Variants in MYL12B observed in about 807,000 individuals in gnomAD.
The protein encoded by MYL12B is myosin regulatory light chain 12B.
A neutral mutation model predicts 12.9 loss-of-function variants in MYL12B; 3 were observed. The observed-to-expected ratio is 0.23, with a 90% CI of 0.11 to 0.60. The LOEUF (loss-of-function observed/expected upper bound fraction) is 0.60, where lower values mean the gene tolerates loss of function less well. MYL12B is among the 20% of genes least tolerant of loss of function. MYL12B has a pLI of 0.89. For missense variants in MYL12B, 120 were observed against 215.4 expected (o/e 0.56, Z 2.77); for synonymous variants, 57 against 71.9 (o/e 0.79, Z 1.05).
chr18:3,273,798 G>A (rs1000699477), intron 2 of MYL12B, among the ~76,000 whole-genome samples: 4 of 151,670 alleles, frequency 2.6e-5, no homozygotes, highest in Non-Finnish European at 5.9e-5. Context: ...GAGACTTTGC[G>A]CTCTGTCCTC....
chr18:3,275,490 C>T (rs1318032629), intron 2 of MYL12B, among the ~76,000 whole-genome samples: 1 of 152,058 alleles, frequency 6.6e-6, no homozygotes, highest in African/African-American at 2.4e-5. Context: ...ATGATAAATG[C>T]TTGAAGGGAT....
At chr18:3,270,352 A>C (rs1237406864) in intron 1 of MYL12B, among the ~76,000 whole-genome samples, 2 of 152,256 alleles carry the variant, frequency 1.3e-5, no homozygotes, top group Non-Finnish European at 2.9e-5. Flanking sequence ...TAGTATTACT[A>C]CATTGAGCCT....
At chr18:3,268,262 C>T (rs961489027) in intron 1 of MYL12B, among the ~76,000 whole-genome samples, 1 of 152,174 alleles carries the variant, frequency 6.6e-6, no homozygotes, top group African/African-American at 2.4e-5. Context: ...ATAGCAATAT[C>T]AGAGTAACAG....
At chr18:3,272,406 A>G (rs1370369599) in intron 1 of MYL12B, among the ~76,000 whole-genome samples, 1 of 79,190 alleles carries the variant, frequency 1.3e-5, no homozygotes, top group African/African-American at 4.6e-5. Context: ...CTATGCCTTC[A>G]TAACAGTGCT....
intron 1 of MYL12B, among the ~76,000 whole-genome samples, chr18:3,267,235 ATTTAACTGC>A (rs2081641580): frequency 6.6e-6 from 1 of 152,190 alleles, no homozygotes; most frequent in South Asian, 2.1e-4. Flanking sequence ...AAACCAGAGG[ATTTAACTGC>A]TTTAAGAGCC....
intron 3 of MYL12B, 84 bp from the exon 4 acceptor site, chr18:3,277,681 T>C: frequency 6.9e-7 from 1 of 1,459,328 alleles, no homozygotes. Context: ...TGAAATATTT[T>C]ATACGATTGA....
intron 1 of MYL12B, among the ~76,000 whole-genome samples, chr18:3,268,485 G>A (rs895765721): frequency 1.3e-5 from 2 of 152,144 alleles, no homozygotes; most frequent in African/African-American, 4.8e-5. Flanking sequence ...ACTGATAGTT[G>A]CCACCTGACT....
intron 3 of MYL12B, among the ~76,000 whole-genome samples, 153 bp downstream of exon 3, chr18:3,277,567 G>A (rs1200450087): frequency 1.3e-5 from 2 of 152,128 alleles, no homozygotes; most frequent in African/African-American, 4.8e-5. Context: ...TAAATGATTT[G>A]ATCTAATATT....
At chr18:3,272,146 ATATTT>A (rs2081684140) in intron 1 of MYL12B, 1 of 910,614 alleles carries the variant, frequency 1.1e-6, no homozygotes, top group Non-Finnish European at 1.3e-6. Context: ...GGTGGGTTTG[ATATTT>A]ATAAAGATGA....
chr18:3,262,625 C>G (rs1470908043), intron 1 of MYL12B: 2 of 152,394 alleles, frequency 1.3e-5, no homozygotes, highest in South Asian at 2.1e-4. Context: ...GCCCTCCCGG[C>G]GCCGCGGCGG....
In MYL12B at chr18:3,278,007, C is replaced by T. The variant is rs1177078253; in HGVS notation, c.*70C>T. On this transcript the variant is annotated 3_prime_UTR_variant, in exon 4 of 4. Coordinates refer to ENST00000237500, the MANE Select transcript of MYL12B (RefSeq NM_033546.4). ...TTTACTTCTCAGACACTTCCCCCAC[C>T]CTCATAGAACCTGTTGCATGCAACT... The T allele has an allele frequency of 1.3e-6, 2 of 1,535,304 alleles. No homozygotes were observed. The highest frequency in any genetic ancestry group is 1.8e-6 in the Non-Finnish European group (2 of 1,135,360).
chr18:3,263,291 A>G (rs1382041321), intron 1 of MYL12B, among the ~76,000 whole-genome samples: 1 of 152,204 alleles, frequency 6.6e-6, no homozygotes, highest in African/African-American at 2.4e-5. Flanking sequence ...TTTAAGGTAG[A>G]TTTGGAATGG....
intron 1 of MYL12B, among the ~76,000 whole-genome samples, chr18:3,268,495 T>C (rs2081651792): frequency 6.6e-6 from 1 of 152,224 alleles, no homozygotes; most frequent in Non-Finnish European, 1.5e-5. Context: ...GCCACCTGAC[T>C]AAACCCAACC....
intron 1 of MYL12B, among the ~76,000 whole-genome samples, chr18:3,265,600 A>C (rs1415733881): frequency 6.6e-6 from 1 of 152,102 alleles, no homozygotes; most frequent in Non-Finnish European, 1.5e-5. Context: ...GGCCCAGATA[A>C]AATTTGAGTT....
Position 3,278,002 on chromosome 18 carries a change from C to A in MYL12B, c.*65C>A. ...TCTCTTTTACTTCTCAGACACTTCC[C>A]CCACCCTCATAGAACCTGTTGCATG... On this transcript the variant is annotated 3_prime_UTR_variant, in exon 4 of 4. Transcript: ENST00000237500. 1 of 1,559,084 alleles carries A rather than the reference C, an allele frequency of 6.4e-7. No individual in the cohort carries two copies. Among genetic ancestry groups the A allele is most frequent in the Non-Finnish European group, 8.7e-7 (1 of 1,149,632 alleles).
At chr18:3,272,210 G>A (rs138073306) in intron 1 of MYL12B, 564 of 699,744 alleles carry the variant, frequency 8.1e-4, no homozygotes, top group Admixed American at 4.4e-3. Flanking sequence ...ATCTCAATTA[G>A]TTCTTTGCAT....
chr18:3,271,971 C>A, intron 1 of MYL12B: 1 of 760,808 alleles, frequency 1.3e-6, no homozygotes, highest in Non-Finnish European at 1.6e-6. Flanking sequence ...TTGGGAGGAT[C>A]TCGAGCCTCA....
chr18:3,271,969 A>T (rs1215341902), intron 1 of MYL12B: 2 of 721,820 alleles, frequency 2.8e-6, no homozygotes, highest in Non-Finnish European at 3.4e-6. Context: ...GTTTGGGAGG[A>T]TCTCGAGCCT....
Position 3,278,038 on chromosome 18 carries a change from T to G in MYL12B, c.*101T>G. 7.0e-7 allele frequency: 1 copy of G among 1,422,668 alleles called. No homozygotes were observed. Among genetic ancestry groups the G allele is most frequent in the Non-Finnish European group, 9.5e-7 (1 of 1,051,650 alleles). The allele number at this position is 1,422,668 out of a possible 1,614,324, so 88.1% of individuals were successfully genotyped here. A position where few individuals can be genotyped will look rare whatever the true frequency, so the allele number is the denominator to read the frequency against. On this transcript the variant is annotated 3_prime_UTR_variant, in exon 4 of 4. Coordinates refer to ENST00000237500, the MANE Select transcript of MYL12B (RefSeq NM_033546.4). Reference sequence around the variant, plus strand: ...AGAACCTGTTGCATGCAACTTAGTTTCACAGCTTTGCCTCTTCTTTTTGAT... The same window carrying G: ...AGAACCTGTTGCATGCAACTTAGTTGCACAGCTTTGCCTCTTCTTTTTGAT...
Sources: allele counts gnomAD v4.1 joint callset (sites outside exome capture counted in the v4.1 genomes callset), GRCh38; gene constraint gnomAD v4.1.1; transcripts MANE v1.5; gene names NCBI Gene and HGNC (gene_info 2026-07-23, HGNC 2026-07-21).